Variants in BCL11A observed in about 807,000 individuals in gnomAD.
BCL11A encodes the protein B cell CLL/lymphoma 11A.
Under a neutral mutation model 55.9 loss-of-function variants are expected in BCL11A, and 2 were observed. The ratio of observed to expected loss-of-function variants is 0.04; its 90% confidence interval spans 0.01 to 0.11. The LOEUF is 0.11. Among genes scored for constraint, BCL11A ranks in the 10% least tolerant of loss-of-function variants. The pLI is 1.00. For synonymous variants in BCL11A, 465 were observed against 473.4 expected (o/e 0.98, Z 0.23); for missense variants, 817 against 1,137.1 (o/e 0.72, Z 4.05).
At chr2:60,492,995 C>T (rs1418330093) in intron 2 of BCL11A, among the ~76,000 whole-genome samples, 1 of 152,142 alleles carries the variant, frequency 6.6e-6, no homozygotes, top group Admixed American at 6.5e-5. Context: ...CTTCCCTAAC[C>T]CTCTGACCCC....
At chr2:60,521,103 A>ACT (rs1553347294) in intron 2 of BCL11A, among the ~76,000 whole-genome samples, 65 of 33,186 alleles carry the variant, frequency 2.0e-3, no homozygotes, top group African/African-American at 4.0e-3. Context: ...ACACACACTC[A>ACT]CACACACACA....
At chr2:60,463,485 C>A (rs1046496485) in intron 3 of BCL11A, among the ~76,000 whole-genome samples, 1 of 152,210 alleles carries the variant, frequency 6.6e-6, no homozygotes, top group African/African-American at 2.4e-5. Context: ...CAGAAAGATA[C>A]AGTTCAGCTA....
At position 60,457,774 on chromosome 2, in the gene BCL11A, A is replaced by C; in HGVS notation, c.*2630T>G. On this transcript the variant is annotated 3_prime_UTR_variant, in exon 4 of 4. Transcript: ENST00000642384. ...GAAGGAAAGGGACAAAAAGCACACT[A>C]CATAACAAACCAACGTTATTAGCTT... The C allele has an allele frequency of 9.6e-7, 1 of 1,040,782 alleles. No individual in the cohort carries two copies. The highest frequency in any genetic ancestry group is 4.6e-5 in the South Asian group (1 of 21,738). The allele number at this position is 1,040,782 out of a possible 1,614,324, so 64.5% of individuals were successfully genotyped here. A position where few individuals can be genotyped will look rare whatever the true frequency, so the allele number is the denominator to read the frequency against.
chr2:60,496,366 G>A (rs1039047249), intron 2 of BCL11A, among the ~76,000 whole-genome samples: 1 of 152,204 alleles, frequency 6.6e-6, no homozygotes, highest in Non-Finnish European at 1.5e-5. Context: ...AGTGTCCAGG[G>A]CAGAACTGGA....
intron 2 of BCL11A, among the ~76,000 whole-genome samples, chr2:60,479,343 G>C (rs954249960): frequency 6.6e-6 from 1 of 152,114 alleles, no homozygotes; most frequent in Admixed American, 6.5e-5. Flanking sequence ...ACCATTTTTT[G>C]TTTTGAGTCT....
intron 2 of BCL11A, among the ~76,000 whole-genome samples, chr2:60,478,551 C>G (rs541458271): frequency 6.6e-6 from 1 of 152,234 alleles, no homozygotes; most frequent in East Asian, 1.9e-4. Flanking sequence ...CCAAGAGATT[C>G]TGAGAACCAG....
Position 60,464,887 on chromosome 2 carries a change from C to G in BCL11A, c.488-2463G>C, listed in dbSNP as rs1676511639. ...TCATACATCAGGTCAGAGAAAATGGCATTTTATCTTATAATGAGCATACAA... is the reference window on the plus strand; with the variant it reads ...TCATACATCAGGTCAGAGAAAATGGGATTTTATCTTATAATGAGCATACAA... On this transcript the variant is annotated intron_variant, in intron 3 of 3. Coordinates refer to ENST00000642384, the MANE Select transcript of BCL11A (RefSeq NM_022893.4). 2.6e-5 allele frequency among the ~76,000 whole-genome samples: 4 copies of G among 152,224 alleles called. No individual in the cohort carries two copies. In the South Asian group the frequency reaches 8.3e-4, roughly 32 times the overall value.
At chr2:60,465,977 G>A (rs1314231059) in intron 3 of BCL11A, among the ~76,000 whole-genome samples, 1 of 152,194 alleles carries the variant, frequency 6.6e-6, no homozygotes, top group Non-Finnish European at 1.5e-5. Context: ...GAAGTGCTAT[G>A]AGCTCTGGAA....
At position 60,486,934 on chromosome 2, in the gene BCL11A, C is replaced by T. The variant is rs186143799; in HGVS notation, c.386-18101G>A. 1.8e-4 allele frequency among the ~76,000 whole-genome samples: 28 copies of T among 152,280 alleles called. No homozygotes were observed. The East Asian group carries it at 5.2e-3, about 28-fold the overall frequency. Reference sequence around the variant, plus strand: ...CCTGCTAACAGAAATGGAATCAGAACAAATTAATATTTAATTTTAAGATTA... The same window carrying T: ...CCTGCTAACAGAAATGGAATCAGAATAAATTAATATTTAATTTTAAGATTA... On this transcript the variant is annotated intron_variant, in intron 2 of 3. Coordinates refer to ENST00000642384, the MANE Select transcript of BCL11A (RefSeq NM_022893.4).
intron 2 of BCL11A, among the ~76,000 whole-genome samples, chr2:60,478,547 G>A (rs1250157821): frequency 1.3e-5 from 2 of 152,246 alleles, no homozygotes; most frequent in African/African-American, 4.8e-5. Flanking sequence ...TTGGCCAAGA[G>A]ATTCTGAGAA....
intron 2 of BCL11A, among the ~76,000 whole-genome samples, chr2:60,479,232 C>T (rs1481793330): frequency 6.6e-6 from 1 of 152,234 alleles, no homozygotes; most frequent in Non-Finnish European, 1.5e-5. Flanking sequence ...ACAACATCTT[C>T]AACTCCTTTC....
At chr2:60,475,023 T>G (rs980461415) in intron 2 of BCL11A, among the ~76,000 whole-genome samples, 3 of 152,106 alleles carry the variant, frequency 2.0e-5, no homozygotes, top group Non-Finnish European at 4.4e-5. Context: ...GGAAAACTTA[T>G]GAGTTAAACC....
At chr2:60,487,485 TA>T in intron 2 of BCL11A, among the ~76,000 whole-genome samples, 2 of 152,312 alleles carry the variant, frequency 1.3e-5, no homozygotes, top group Admixed American at 1.3e-4. Context: ...TGGAGGGCTA[TA>T]AATAATAGAA....
chr2:60,499,580 G>C (rs1221656417), intron 2 of BCL11A: 3 of 152,288 alleles, frequency 2.0e-5, no homozygotes, highest in Admixed American at 2.0e-4. Context: ...ACTTTCTCAA[G>C]ACAGTGTTTG....
chr2:60,509,438 G>T (rs929765893), intron 2 of BCL11A, among the ~76,000 whole-genome samples: 6 of 152,188 alleles, frequency 3.9e-5, no homozygotes, highest in African/African-American at 1.4e-4. Context: ...TCAGAAAACG[G>T]TTCTGTGGAA....
chr2:60,549,678 CCGTCCAGCT>C (rs1192804990), intron 1 of BCL11A: 1 of 152,330 alleles, frequency 6.6e-6, no homozygotes, highest in South Asian at 2.1e-4. Flanking sequence ...GCCTCCATGC[CCGTCCAGCT>C]CGGCCAGCTC....
At chr2:60,552,253 T>C in intron 1 of BCL11A, among the ~76,000 whole-genome samples, 1 of 152,224 alleles carries the variant, frequency 6.6e-6, no homozygotes, top group Non-Finnish European at 1.5e-5. Flanking sequence ...TTTATTTATT[T>C]TATTTTTATG....
At chr2:60,526,039 G>C (rs1175810558) in intron 2 of BCL11A, 2 of 152,116 alleles carry the variant, frequency 1.3e-5, no homozygotes, top group Non-Finnish European at 2.9e-5. Flanking sequence ...ATGGCAGCAG[G>C]GCTGGGAAAA....
At chr2:60,550,207 C>G (rs987223153) in intron 1 of BCL11A, among the ~76,000 whole-genome samples, 4 of 152,120 alleles carry the variant, frequency 2.6e-5, no homozygotes, top group East Asian at 1.9e-4. Flanking sequence ...ATGCCGGCCC[C>G]GAAAGAAAGC....
Sources: allele counts gnomAD v4.1 joint callset (sites outside exome capture counted in the v4.1 genomes callset), GRCh38; gene constraint gnomAD v4.1.1; transcripts MANE v1.5; gene names NCBI Gene and HGNC (gene_info 2026-07-23, HGNC 2026-07-21).